Variants in SLC22A9 observed in about 807,000 individuals in gnomAD.
SLC22A9 encodes organic anion transporter 7.
In SLC22A9, 64 loss-of-function variants were observed where a neutral mutation model predicts 50.1. That is an observed-to-expected ratio of 1.28 (90% confidence interval 1.04 to 1.57). SLC22A9 has a LOEUF of 1.57. SLC22A9 is among the 40% of genes most tolerant of loss of function. The pLI, the probability that SLC22A9 is intolerant of heterozygous loss-of-function variation, is 0.00. For missense variants in SLC22A9, 757 were observed against 676.1 expected, an observed-to-expected ratio of 1.12 and a Z score of -1.33; for synonymous variants, 261 against 242.5, an observed-to-expected ratio of 1.08 and a Z score of -0.71.
intron 6 of SLC22A9, 75 bp downstream of exon 6, chr11:63,382,352 A>C: frequency 9.7e-7 from 1 of 1,035,766 alleles, no homozygotes; most frequent in Non-Finnish European, 1.4e-6. Context: ...CAAGTAGTAC[A>C]GCATGTTTAG....
chr11:63,396,587 T>C (rs1591024691), intron 6 of SLC22A9, among the ~76,000 whole-genome samples: 1 of 152,114 alleles, frequency 6.6e-6, no homozygotes, highest in Non-Finnish European at 1.5e-5. Flanking sequence ...CTCCAAAGGG[T>C]CTGTGGGTCC....
chr11:63,371,238 G>A lies in SLC22A9; in HGVS notation c.506G>A (p.Arg169Lys). Residue 169 changes from arginine to lysine, a missense_variant and splice_region_variant, in exon 2 of 10, where the codon AGG (arginine) becomes AAG (lysine). Transcript: ENST00000279178. ...GGILGGHLSDRFGRRFVLRWC... is the reference protein window; with the variant it reads ...GGILGGHLSDKFGRRFVLRWC... The stretch of plus-strand genomic sequence containing the variant: ...ATCCTAGGCGGTCATTTATCAGACA[G>A]GTGAGTGTGTATGGAACACAGCTCT... 6.2e-7 allele frequency: 1 copy of A among 1,608,780 alleles called. No individual in the cohort carries two copies. The highest frequency in any genetic ancestry group is 1.1e-5 in the South Asian group (1 of 90,900).
chr11:63,382,824 T>A (rs375444821), intron 6 of SLC22A9, among the ~76,000 whole-genome samples: 4 of 152,176 alleles, frequency 2.6e-5, no homozygotes, highest in Admixed American at 2.6e-4. Context: ...AGAGGTAAGA[T>A]GTTGTAAAAC....
chr11:63,380,513 G>T (rs1051394935), intron 5 of SLC22A9, among the ~76,000 whole-genome samples: 1 of 152,144 alleles, frequency 6.6e-6, no homozygotes, highest in African/African-American at 2.4e-5. Flanking sequence ...GCCAAAAAAA[G>T]AGGTCATGTC....
intron 6 of SLC22A9, among the ~76,000 whole-genome samples, chr11:63,399,903 C>T (rs1029324897): frequency 5.3e-5 from 8 of 151,856 alleles, no homozygotes; most frequent in Non-Finnish European, 1.0e-4. Context: ...TATACAAATA[C>T]CTGAAAATTA....
chr11:63,403,832 TC>T (rs1202237791), intron 6 of SLC22A9, among the ~76,000 whole-genome samples: 2 of 151,858 alleles, frequency 1.3e-5, no homozygotes, highest in African/African-American at 2.4e-5. Context: ...AATCAATCAA[TC>T]AATCAATAAA....
intron 6 of SLC22A9, among the ~76,000 whole-genome samples, chr11:63,402,855 T>TA (rs1252394828): frequency 6.6e-6 from 1 of 152,118 alleles, no homozygotes; most frequent in East Asian, 1.9e-4. Flanking sequence ...TTAAGGACAC[T>TA]AAAATTCCCA....
At position 63,370,198 on chromosome 11, in the gene SLC22A9, C is replaced by T. The variant is rs781020053; in HGVS notation, c.142C>T (p.Arg48Cys). The T allele has an allele frequency of 1.2e-6, 2 of 1,614,066 alleles. No individual in the cohort carries two copies. The highest frequency in any genetic ancestry group is 1.7e-5 in the Admixed American group (1 of 60,010). Reference sequence around the variant, plus strand: ...CTTCACTGCATTCATACCTGGCCATCGCTGCTGGGTCCACATCCTGGACAA... The same window carrying T: ...CTTCACTGCATTCATACCTGGCCATTGCTGCTGGGTCCACATCCTGGACAA... ...ENFTAFIPGH[R>C]CWVHILDNDT... Residue 48 changes from arginine (R) to cysteine (C), a missense_variant, in exon 1 of 10, where the codon CGC becomes TGC. Transcript: ENST00000279178.
chr11:63,407,914 A>T (rs1342477394), intron 7 of SLC22A9, among the ~76,000 whole-genome samples, 198 bp from the exon 8 acceptor site: 1 of 152,200 alleles, frequency 6.6e-6, no homozygotes, highest in Non-Finnish European at 1.5e-5. Flanking sequence ...CTTTTTATGC[A>T]TTATTTAAGC....
chr11:63,371,103 A>G, intron 1 of SLC22A9, 32 bp from the exon 2 acceptor site: 1 of 1,504,078 alleles, frequency 6.6e-7, no homozygotes, highest in Non-Finnish European at 9.2e-7. Flanking sequence ...AGGGGTAATA[A>G]GCATTGATGT....
chr11:63,379,074 C>T (rs1175075482), intron 5 of SLC22A9, among the ~76,000 whole-genome samples: 2 of 151,872 alleles, frequency 1.3e-5, no homozygotes, highest in Non-Finnish European at 2.9e-5. Context: ...CAATCCAAAG[C>T]AAAATGAACA....
chr11:63,374,125 G>C, intron 4 of SLC22A9, 63 bp downstream of exon 4: 1 of 1,458,000 alleles, frequency 6.9e-7, no homozygotes, highest in African/African-American at 1.4e-5. Flanking sequence ...TGTGGAACTA[G>C]GACACCTGAA....
At chr11:63,408,327 C>T (rs943615922) in intron 8 of SLC22A9, 107 bp downstream of exon 8, 29 of 893,254 alleles carry the variant, frequency 3.2e-5, no homozygotes, top group Non-Finnish European at 4.9e-5. Context: ...GAAAATAAAT[C>T]ATAACAGTCA....
intron 5 of SLC22A9, among the ~76,000 whole-genome samples, chr11:63,377,793 T>C (rs994102615): frequency 6.6e-6 from 1 of 151,914 alleles, no homozygotes; most frequent in African/African-American, 2.4e-5. Context: ...ATTAGATGGA[T>C]AGACTTTCTT....
rs746534547 is a variant in SLC22A9 at position 63,406,640 on chromosome 11, G to A, written c.1217G>A (p.Arg406His). The change falls in exon 7 of 10, where the codon CGT (arginine) becomes CAT (histidine). Residue 406 changes from arginine (R) to histidine (H), a missense_variant. Arg to His is a conservative substitution (Grantham distance 29, BLOSUM62 0). Coordinates refer to ENST00000279178, the MANE Select transcript of SLC22A9 (RefSeq NM_080866.3). ...VAPWALKYMN[R>H]RASQMLLMFL... ...CCTTGGGCACTGAAATACATGAACCGTCGAGCAAGCCAGATGCTTCTCATG... is the reference window on the plus strand; with the variant it reads ...CCTTGGGCACTGAAATACATGAACCATCGAGCAAGCCAGATGCTTCTCATG... 77 of 1,613,628 alleles carry A rather than the reference G, an allele frequency of 4.8e-5. No individual in the cohort carries two copies. The highest frequency in any genetic ancestry group is 1.8e-4 in the East Asian group (8 of 44,876).
At chr11:63,391,038 A>T (rs2014755153) in intron 6 of SLC22A9, among the ~76,000 whole-genome samples, 3 of 151,964 alleles carry the variant, frequency 2.0e-5, no homozygotes, top group African/African-American at 7.3e-5. Context: ...CATTTGTTTC[A>T]AGAAACTTTT....
chr11:63,392,828 T>A (rs181882226), intron 6 of SLC22A9, among the ~76,000 whole-genome samples: 90 of 152,270 alleles, frequency 5.9e-4, no homozygotes, highest in Admixed American at 1.6e-3. Flanking sequence ...ATTCTCATTT[T>A]TTAAAATTCT....
chr11:63,389,646 G>A (rs1405240599), intron 6 of SLC22A9, among the ~76,000 whole-genome samples: 2 of 152,120 alleles, frequency 1.3e-5, no homozygotes, highest in African/African-American at 4.8e-5. Flanking sequence ...AAACATACGT[G>A]TGCATGTGTC....
rs1565191537 is a variant in SLC22A9 at position 63,408,881 on chromosome 11, TGAGTAA to T, written c.1601+3_1601+8del. 1.9e-6 allele frequency: 3 copies of T among 1,613,666 alleles called. No individual in the cohort carries two copies. The highest frequency in any genetic ancestry group is 2.5e-6 in the Non-Finnish European group (3 of 1,179,808). ...CACCATCCAGGATGAGAAAAATGAG[TGAGTAA>T]ATAGCCCGGTTGCCCCTCAGAGGAT... On this transcript the variant is annotated splice_donor_5th_base_variant and intron_variant, in intron 9 of 9. Coordinates refer to ENST00000279178, the MANE Select transcript of SLC22A9 (RefSeq NM_080866.3).
Sources: allele counts gnomAD v4.1 joint callset (sites outside exome capture counted in the v4.1 genomes callset), GRCh38; gene constraint gnomAD v4.1.1; transcripts MANE v1.5; gene names NCBI Gene and HGNC (gene_info 2026-07-23, HGNC 2026-07-21).